Variants in UBE2V1 observed in about 807,000 individuals in gnomAD.
UBE2V1 encodes ubiquitin-conjugating enzyme E2 variant 1.
A neutral mutation model predicts 19.6 loss-of-function variants in UBE2V1; 15 were observed. That is an observed-to-expected ratio of 0.77 (90% CI 0.51 to 1.18). The LOEUF is 1.18. UBE2V1 is among the 50% of genes most tolerant of loss of function. The probability of loss-of-function intolerance (pLI) is 0.00; values close to 1 mark genes in which losing one functional copy is unlikely to be tolerated. For missense variants in UBE2V1, 125 were observed against 184.8 expected, an observed-to-expected ratio of 0.68 and a Z score of 1.88; for synonymous variants, 60 against 60.7, an observed-to-expected ratio of 0.99 and a Z score of 0.05.
intron 2 of UBE2V1, chr20:50,096,471 G>A (rs764004902): frequency 2.9e-6 from 4 of 1,389,716 alleles, no homozygotes; most frequent in Non-Finnish European, 3.9e-6. Context: ...GTCTAAACAG[G>A]TTTTTGCTTA....
At chr20:50,100,482 G>A (rs2079918397) in intron 1 of UBE2V1, among the ~76,000 whole-genome samples, 1 of 151,948 alleles carries the variant, frequency 6.6e-6, no homozygotes, top group Admixed American at 6.6e-5. Context: ...CTACTCGGGA[G>A]GCTGAGGCAG....
chr20:50,101,737 C>T (rs1288977674), intron 1 of UBE2V1, among the ~76,000 whole-genome samples: 1 of 152,092 alleles, frequency 6.6e-6, no homozygotes, highest in Non-Finnish European at 1.5e-5. Flanking sequence ...AATACCTATC[C>T]AGCACTTTGC....
At chr20:50,109,232 C>G (rs1301504320) in intron 1 of UBE2V1, 5 of 675,502 alleles carry the variant, frequency 7.4e-6, no homozygotes, top group African/African-American at 2.0e-5. Context: ...ATGTGCTGCT[C>G]TGAACTTCAC....
At chr20:50,103,981 G>A (rs1254691045) in intron 1 of UBE2V1, among the ~76,000 whole-genome samples, 2 of 151,276 alleles carry the variant, frequency 1.3e-5, no homozygotes, top group African/African-American at 4.9e-5. Flanking sequence ...ATGTTTGCTG[G>A]TTGAAGAAAT....
intron 2 of UBE2V1, among the ~76,000 whole-genome samples, chr20:50,087,063 C>T (rs574193438): frequency 1.6e-3 from 244 of 151,834 alleles, no homozygotes; most frequent in Non-Finnish European, 2.8e-3. Flanking sequence ...GGCGACAGTG[C>T]GAGACTCCAT....
At chr20:50,103,647 C>G (rs6012835) in intron 1 of UBE2V1, among the ~76,000 whole-genome samples, 6,207 of 152,164 alleles carry the variant, frequency 0.041, 414 homozygotes, top group African/African-American at 0.14. Flanking sequence ...CTCAAGTGAT[C>G]TGCCCGCCTT....
intron 1 of UBE2V1, among the ~76,000 whole-genome samples, chr20:50,104,939 C>A (rs978690500): frequency 6.6e-6 from 1 of 151,948 alleles, no homozygotes; most frequent in Non-Finnish European, 1.5e-5. Flanking sequence ...GTTGGCCAGG[C>A]TGGTCTCAGA....
intron 3 of UBE2V1, 139 bp downstream of exon 3, chr20:50,083,989 GT>G: frequency 7.4e-7 from 1 of 1,351,894 alleles, no homozygotes; most frequent in African/African-American, 1.5e-5. Context: ...TCCCAAATCT[GT>G]GCTCCTATGC....
intron 2 of UBE2V1, among the ~76,000 whole-genome samples, chr20:50,085,792 G>A (rs1440177384): frequency 6.6e-6 from 1 of 152,000 alleles, no homozygotes; most frequent in East Asian, 1.9e-4. Context: ...CCCTCAACCT[G>A]CCCTCTTCCT....
At chr20:50,108,765 C>T (rs1048511605) in intron 1 of UBE2V1, among the ~76,000 whole-genome samples, 3 of 152,196 alleles carry the variant, frequency 2.0e-5, no homozygotes, top group African/African-American at 7.2e-5. Flanking sequence ...GTGAGTCATT[C>T]AGTATAAAAT....
At chr20:50,094,010 A>AAAAAAAT (rs2079416552) in intron 2 of UBE2V1, among the ~76,000 whole-genome samples, 16 of 94,694 alleles carry the variant, frequency 1.7e-4, no homozygotes, top group African/African-American at 3.7e-4. Context: ...AAAAAAAAAA[A>AAAAAAAT]AATAATAATA....
intron 2 of UBE2V1, among the ~76,000 whole-genome samples, chr20:50,090,841 GTTGA>G (rs1452099750): frequency 6.6e-6 from 1 of 152,140 alleles, no homozygotes; most frequent in African/African-American, 2.4e-5. Context: ...TGATGGATGC[GTTGA>G]TTAATTTGGT....
chr20:50,090,561 A>G (rs910802252), intron 2 of UBE2V1, among the ~76,000 whole-genome samples: 12 of 152,186 alleles, frequency 7.9e-5, no homozygotes, highest in Non-Finnish European at 1.5e-4. Context: ...AGCCAGACAC[A>G]GAAAGACAAA....
At chr20:50,110,822 T>C (rs1285565707) in intron 1 of UBE2V1, among the ~76,000 whole-genome samples, 1 of 152,160 alleles carries the variant, frequency 6.6e-6, no homozygotes, top group Non-Finnish European at 1.5e-5. Context: ...TATCCTGTTA[T>C]TTCAACATGC....
At chr20:50,111,287 A>G in intron 1 of UBE2V1, 1 of 987,884 alleles carries the variant, frequency 1.0e-6, no homozygotes, top group Non-Finnish European at 1.2e-6. Flanking sequence ...TGAAGCACTC[A>G]CTTTTTAACT....
At chr20:50,087,528 G>T (rs989973235) in intron 2 of UBE2V1, among the ~76,000 whole-genome samples, 1 of 152,138 alleles carries the variant, frequency 6.6e-6, no homozygotes, top group Non-Finnish European at 1.5e-5. Flanking sequence ...GTGCCTGAAG[G>T]AGAATTGCTG....
chr20:50,110,792 G>C (rs936866345), intron 1 of UBE2V1, among the ~76,000 whole-genome samples: 1 of 152,074 alleles, frequency 6.6e-6, no homozygotes, highest in African/African-American at 2.4e-5. Flanking sequence ...AACAAGCCTT[G>C]CTTGCACATG....
chr20:50,085,801 C>T (rs2078880758), intron 2 of UBE2V1, among the ~76,000 whole-genome samples: 1 of 152,188 alleles, frequency 6.6e-6, no homozygotes, highest in Admixed American at 6.5e-5. Context: ...TGCCCTCTTC[C>T]TCCTCAGTGA....
chr20:50,092,683 T>C (rs564576857), intron 2 of UBE2V1, among the ~76,000 whole-genome samples: 17 of 152,336 alleles, frequency 1.1e-4, no homozygotes, highest in African/African-American at 4.1e-4. Context: ...TTTGCCAGAA[T>C]TGTGCAAGGA....
Sources: gnomAD v4.1 joint callset for allele counts (sites outside exome capture counted in the v4.1 genomes callset) on GRCh38, gnomAD v4.1.1 for gene constraint, MANE v1.5 for transcripts, NCBI Gene and HGNC (gene_info 2026-07-23, HGNC 2026-07-21) for gene names.